The following TAF1 variants were observed in gnomAD, a reference collection of about 807,000 sequenced individuals.
TAF1 encodes the protein TATA-box binding protein associated factor 1, also known as transcription initiation factor TFIID subunit 1.
Under a neutral mutation model 138.5 loss-of-function variants are expected in TAF1, and 2 were observed. The ratio of observed to expected loss-of-function variants is 0.01; its 90% CI spans 0.01 to 0.05. The LOEUF is 0.05. Among genes scored for constraint, TAF1 ranks in the 10% least tolerant of loss-of-function variants. The probability of loss-of-function intolerance (pLI) is 1.00; values close to 1 mark genes in which losing one functional copy is unlikely to be tolerated. For missense variants in TAF1, 709 were observed against 1,478.0 expected, an observed-to-expected ratio of 0.48 and a Z score of 8.53; for synonymous variants, 437 against 503.2, an observed-to-expected ratio of 0.87 and a Z score of 1.76.
At chrX:71,379,362 G>A (rs907489017) in intron 8 of TAF1, among the ~76,000 whole-genome samples, 18 of 107,877 alleles carry the variant, frequency 1.7e-4, no homozygotes, top group Non-Finnish European at 3.1e-4. Flanking sequence ...GTGATCACCC[G>A]CCTCAGCCTC....
At chrX:71,490,497 G>C (rs2039255037) in intron 13 of TAF1, among the ~76,000 whole-genome samples, 1 of 110,225 alleles carries the variant, frequency 9.1e-6, no homozygotes, top group South Asian at 3.9e-4. Flanking sequence ...CGCGATCTCG[G>C]CTCACTGCAA....
intron 30 of TAF1, 21 bp from the exon 31 acceptor site, chrX:71,423,953 C>G: frequency 8.7e-7 from 1 of 1,146,551 alleles, no homozygotes; most frequent in South Asian, 1.9e-5. Flanking sequence ...CATTTAATTT[C>G]TTATGCTTTC....
intron 13 of TAF1, among the ~76,000 whole-genome samples, chrX:71,476,658 C>CA (rs747600361): frequency 0.048 from 4,436 of 92,029 alleles, 115 homozygotes; most frequent in Non-Finnish European, 0.067. Context: ...CTCTCTCCCT[C>CA]AAAAAAAAAA....
intron 13 of TAF1, among the ~76,000 whole-genome samples, chrX:71,473,683 C>A (rs541875903): frequency 9.2e-6 from 1 of 109,024 alleles, no homozygotes; most frequent in Non-Finnish European, 1.9e-5. Context: ...GAGCATGATA[C>A]CCCCGACTCT....
At chrX:71,458,881 A>G (rs1273427265) in intron 35 of TAF1, among the ~76,000 whole-genome samples, 1 of 111,440 alleles carries the variant, frequency 9.0e-6, no homozygotes, top group African/African-American at 3.3e-5. Context: ...AGCTATAAGG[A>G]AAGTTTGGGT....
At chrX:71,446,126 G>A (rs1178299474) in intron 32 of TAF1, among the ~76,000 whole-genome samples, 1 of 110,672 alleles carries the variant, frequency 9.0e-6, no homozygotes, top group Admixed American at 9.6e-5. Context: ...TCCCAGGCTG[G>A]TCCCGAACTC....
At chrX:71,382,704 A>G (rs2033970716) in intron 10 of TAF1, 41 bp downstream of exon 10, 1 of 1,205,004 alleles carries the variant, frequency 8.3e-7, no homozygotes, top group Non-Finnish European at 1.1e-6. Context: ...AGAAGAACAA[A>G]GAAAGGTAAT....
chrX:71,527,521 G>A (rs902864799), intron 13 of TAF1, among the ~76,000 whole-genome samples: 5 of 111,615 alleles, frequency 4.5e-5, no homozygotes, highest in Non-Finnish European at 9.4e-5. Flanking sequence ...AGCAGTGGAG[G>A]AGGAGTTGCG....
chrX:71,387,534 C>T (rs1458608265), intron 15 of TAF1, 73 bp downstream of exon 15: 3 of 1,139,926 alleles, frequency 2.6e-6, no homozygotes, highest in Non-Finnish European at 3.6e-6. Flanking sequence ...CATGGCGGCT[C>T]ATGGCTGTAA....
At chrX:71,482,623 T>G (rs2147513656) in intron 13 of TAF1, among the ~76,000 whole-genome samples, 1 of 112,671 alleles carries the variant, frequency 8.9e-6, no homozygotes, top group East Asian at 2.8e-4. Context: ...CATCTGAGCC[T>G]TCAGTGAGTG....
chrX:71,458,510 T>G, intron 35 of TAF1, 144 bp downstream of exon 35: 1 of 864,159 alleles, frequency 1.2e-6, no homozygotes. Context: ...AGAAATGGGA[T>G]TTCAAGTTGG....
chrX:71,392,126 T>C (rs752087340), intron 18 of TAF1, among the ~76,000 whole-genome samples: 2 of 112,087 alleles, frequency 1.8e-5, no homozygotes, highest in African/African-American at 6.5e-5. Context: ...AGCAAGCATG[T>C]CAAGTATTTC....
At chrX:71,519,317 C>T (rs1455878855) in intron 13 of TAF1, among the ~76,000 whole-genome samples, 5 of 100,060 alleles carry the variant, frequency 5.0e-5, no homozygotes, top group East Asian at 3.2e-4. Context: ...AGCGAGACTC[C>T]GTCTCAAAAA....
chrX:71,503,277 A>ATATATATATATATATATGTGTATATAT (rs1556030877), intron 13 of TAF1, among the ~76,000 whole-genome samples: 3 of 90,169 alleles, frequency 3.3e-5, no homozygotes, highest in African/African-American at 1.4e-4. Flanking sequence ...TCAAAAAAAA[A>ATATATATATATATATATGTGTATATAT]ATATATATAT....
At chrX:71,456,644 A>ATTTTTTTT (rs2038297639) in intron 34 of TAF1, among the ~76,000 whole-genome samples, 1 of 30,025 alleles carries the variant, frequency 3.3e-5, no homozygotes, top group Non-Finnish European at 6.4e-5. Context: ...TCAATAATGT[A>ATTTTTTTT]TTTTCTTTTT....
chrX:71,375,408 T>A, intron 4 of TAF1, 122 bp downstream of exon 4: 1 of 952,079 alleles, frequency 1.1e-6, no homozygotes, highest in Non-Finnish European at 1.4e-6. Flanking sequence ...CTAGAAATAA[T>A]TCATACAATC....
At chrX:71,436,408 G>A in intron 32 of TAF1, among the ~76,000 whole-genome samples, 1 of 108,695 alleles carries the variant, frequency 9.2e-6, no homozygotes, top group East Asian at 2.9e-4. Flanking sequence ...GTAGAGACGG[G>A]GTTTCACCAT....
chrX:71,529,873 T>C, exon 15 of TAF1: 1 of 267,462 alleles, frequency 3.7e-6, no homozygotes, highest in Non-Finnish European at 7.1e-6. Context: ...GTGGACCTTA[T>C]TGGTCTTTGA....
intron 32 of TAF1, among the ~76,000 whole-genome samples, chrX:71,435,086 A>C (rs2148675739): frequency 8.9e-6 from 1 of 112,320 alleles, no homozygotes; most frequent in South Asian, 3.7e-4. Flanking sequence ...TTTCATAGCA[A>C]GTTTCTCCTC....
Sources: allele counts gnomAD v4.1 joint callset (sites outside exome capture counted in the v4.1 genomes callset), GRCh38; gene constraint gnomAD v4.1.1; transcripts MANE v1.5; gene names NCBI Gene and HGNC (gene_info 2026-07-23, HGNC 2026-07-21).